MRPL22: variants seen among roughly 807,000 people sequenced by gnomAD.
The protein encoded by MRPL22 is large ribosomal subunit protein uL22m.
A neutral mutation model predicts 32.4 loss-of-function variants in MRPL22; 27 were observed. The observed-to-expected ratio is 0.83, with a 90% CI of 0.61 to 1.15. MRPL22 has a LOEUF of 1.15. Ranked by LOEUF, MRPL22 falls within the 50% of genes most tolerant of loss-of-function variation. MRPL22 has a pLI of 0.00. For synonymous variants in MRPL22, 86 were observed against 87.3 expected, an observed-to-expected ratio of 0.99 and a Z score of 0.08; for missense variants, 239 against 260.2, an observed-to-expected ratio of 0.92 and a Z score of 0.56.
chr5:154,941,346 CCTAA>C lies in MRPL22; in HGVS notation c.77+84_77+87del, dbSNP rs1168719896. 14 of 1,565,522 alleles carry C rather than the reference CCTAA, an allele frequency of 8.9e-6. 1 individual carries two copies. The highest frequency in any genetic ancestry group is 4.1e-5 in the African/African-American group (3 of 73,708). ...CAGTTGGTAACTGAGCGCCTCCGTG[CCTAA>C]CTGTGTTTTAGGCTCTGGGGTTACT... On this transcript the variant is annotated intron_variant, in intron 2 of 6. Transcript: ENST00000523037.
Position 154,966,924 on chromosome 5 carries a change from T to C in MRPL22, c.*27T>C. ...GAGGAGATTCAGACTCCACAGTGTA[T>C]ATATTTTGCCATTTATTTTCTAAAA... On this transcript the variant is annotated 3_prime_UTR_variant, in exon 7 of 7. Transcript: ENST00000523037. 3 of 1,549,518 alleles carry C rather than the reference T, an allele frequency of 1.9e-6. No individual in the cohort carries two copies. Among genetic ancestry groups the C allele is most frequent in the Non-Finnish European group, 2.6e-6 (3 of 1,147,480 alleles).
chr5:154,949,963 C>G (rs985937310), intron 2 of MRPL22, among the ~76,000 whole-genome samples: 5 of 152,148 alleles, frequency 3.3e-5, no homozygotes, highest in African/African-American at 1.2e-4. Context: ...TGCCCCATTC[C>G]TCTGATAATT....
intron 6 of MRPL22, among the ~76,000 whole-genome samples, chr5:154,966,115 C>G (rs1764763517): frequency 6.6e-6 from 1 of 152,202 alleles, no homozygotes; most frequent in Admixed American, 6.5e-5. Context: ...TCTCTAATCT[C>G]TTTTCCTTGT....
intron 2 of MRPL22, among the ~76,000 whole-genome samples, chr5:154,949,335 A>G (rs1764529775): frequency 6.6e-6 from 1 of 152,204 alleles, no homozygotes; most frequent in Middle Eastern, 3.2e-3. Flanking sequence ...CACTGAAAAA[A>G]AAGGATAGCA....
At chr5:154,966,388 C>T (rs996644848) in intron 6 of MRPL22, among the ~76,000 whole-genome samples, 2 of 152,240 alleles carry the variant, frequency 1.3e-5, no homozygotes, top group African/African-American at 4.8e-5. Flanking sequence ...GATTTATTCA[C>T]AGCACTTGTC....
At chr5:154,954,537 A>G (rs1051764957) in intron 3 of MRPL22, among the ~76,000 whole-genome samples, 1 of 152,212 alleles carries the variant, frequency 6.6e-6, no homozygotes, top group African/African-American at 2.4e-5. Context: ...CTTGATACGT[A>G]CTGAGACTTT....
intron 3 of MRPL22, among the ~76,000 whole-genome samples, chr5:154,951,784 A>G (rs1296603021): frequency 6.6e-6 from 1 of 152,046 alleles, no homozygotes; most frequent in African/African-American, 2.4e-5. Context: ...AAATTGACTA[A>G]ATGAAACGTT....
intron 6 of MRPL22, among the ~76,000 whole-genome samples, chr5:154,963,504 G>A (rs1418220897): frequency 6.6e-6 from 1 of 152,148 alleles, no homozygotes; most frequent in Non-Finnish European, 1.5e-5. Flanking sequence ...TAATAATACT[G>A]TGTATACCAT....
chr5:154,962,091 A>G (rs992520570), intron 6 of MRPL22, among the ~76,000 whole-genome samples: 10 of 152,146 alleles, frequency 6.6e-5, no homozygotes, highest in African/African-American at 2.4e-4. Flanking sequence ...AAGGCTAATA[A>G]ATTTGGATTT....
In MRPL22 at chr5:154,947,901, C is replaced by T. The variant is rs3792804; in HGVS notation, c.78-2920C>T. Among the ~76,000 whole-genome samples the T allele has an allele frequency of 2.6e-3, 395 of 152,284 alleles. 8 individuals carry two copies. The East Asian group carries it at 0.037, about 14-fold the overall frequency. On this transcript the variant is annotated intron_variant, in intron 2 of 6. Coordinates refer to ENST00000523037, the MANE Select transcript of MRPL22 (RefSeq NM_014180.4). ...GAGCTAGAACTTAAAACAGGATAAG[C>T]ATTTCATTCAGGAGATAATAAGACG...
At chr5:154,959,421 G>T (rs1257369014) in intron 5 of MRPL22, among the ~76,000 whole-genome samples, 3 of 152,138 alleles carry the variant, frequency 2.0e-5, no homozygotes, top group African/African-American at 7.2e-5. Context: ...TTGGCTCACT[G>T]CAGCCTCCAC....
intron 2 of MRPL22, among the ~76,000 whole-genome samples, chr5:154,947,761 A>G (rs1247173466): frequency 1.3e-5 from 2 of 152,196 alleles, no homozygotes; most frequent in Non-Finnish European, 2.9e-5. Flanking sequence ...GCCACTTACG[A>G]TAGTACAGTG....
chr5:154,946,456 G>A (rs1029217922), intron 2 of MRPL22, among the ~76,000 whole-genome samples: 4 of 152,098 alleles, frequency 2.6e-5, no homozygotes, highest in Admixed American at 6.5e-5. Context: ...GGACTTATTT[G>A]GGGGCTGGGG....
chr5:154,945,504 G>A (rs772938135), intron 2 of MRPL22, among the ~76,000 whole-genome samples: 1 of 152,216 alleles, frequency 6.6e-6, no homozygotes, highest in African/African-American at 2.4e-5. Context: ...TTCAGGGAAC[G>A]GATGTACATT....
chr5:154,949,179 G>T (rs1168650271), intron 2 of MRPL22, among the ~76,000 whole-genome samples: 1 of 152,098 alleles, frequency 6.6e-6, no homozygotes, highest in African/African-American at 2.4e-5. Flanking sequence ...GGTATTTCAA[G>T]ACCGTAATCT....
chr5:154,962,345 C>T (rs890720243), intron 6 of MRPL22, among the ~76,000 whole-genome samples: 3 of 152,072 alleles, frequency 2.0e-5, no homozygotes, highest in African/African-American at 7.2e-5. Flanking sequence ...ATTTAATAAA[C>T]AAGTTAATAA....
rs73807214 is a variant in MRPL22, at chr5:154,967,132, A to G, written c.*235A>G. 2,725 of 506,596 alleles carry G rather than the reference A, an allele frequency of 5.4e-3. 49 individuals are homozygous for G. Among genetic ancestry groups the G allele is most frequent in the African/African-American group, 0.045 (2,343 of 51,576 alleles). 31.4% of individuals were successfully genotyped at this position (506,596 alleles called of 1,614,324 possible). ...TCAGCTTTAAACATAGTAACAGACT[A>G]TATTTCAAAAGGCTTTTGGAGTAAC... On this transcript the variant is annotated 3_prime_UTR_variant, in exon 7 of 7. Transcript: ENST00000523037. This position sits in a 1 kb window ranked among gnomAD's most constrained non-coding sequence, Gnocchi z 4.7.
Position 154,967,584 on chromosome 5 carries a change from A to G in MRPL22, c.*687A>G, listed in dbSNP as rs1478405658. On this transcript the variant is annotated 3_prime_UTR_variant, in exon 7 of 7. Transcript: ENST00000523037. This position sits in a 1 kb window ranked among gnomAD's most constrained non-coding sequence, Gnocchi z 4.7. ...TGATTTATTTTTCAGGGTAAATTCA[A>G]TTACTGAGAGAGGAATTGAACCAAT... The G allele has an allele frequency of 2.6e-5, 4 of 152,218 alleles. No homozygotes were observed. Among genetic ancestry groups the G allele is most frequent in the Admixed American group, 2.6e-4 (4 of 15,282 alleles). 9.4% of individuals were successfully genotyped at this position (152,218 alleles called of 1,614,324 possible).
In MRPL22 at chr5:154,956,454, T is replaced by C. The variant is rs768112121; in HGVS notation, c.261+18T>C. The stretch of plus-strand genomic sequence containing the variant: ...CAAAATTGGTAAGCTGCAATGACTA[T>C]TACCATATAATTAATAATTTAGGAA... On this transcript the variant is annotated intron_variant, in intron 4 of 6. Transcript: ENST00000523037. 2 of 1,535,698 alleles carry C rather than the reference T, an allele frequency of 1.3e-6. No homozygotes were observed. The highest frequency in any genetic ancestry group is 3.5e-5 in the Admixed American group (2 of 57,698).
Sources: gnomAD v4.1 joint callset for allele counts (sites outside exome capture counted in the v4.1 genomes callset) on GRCh38, gnomAD v4.1.1 for gene constraint, Gnocchi (gnomAD v3.1) non-coding constraint, MANE v1.5 for transcripts, NCBI Gene and HGNC (gene_info 2026-07-23, HGNC 2026-07-21) for gene names.